The following TRPM3 variants were observed in gnomAD, a reference collection of about 807,000 sequenced individuals.
The protein encoded by TRPM3 is transient receptor potential cation channel subfamily M member 3, also known as long transient receptor potential channel 3.
TRPM3 carries 77 observed loss-of-function variants against 181.2 expected under a neutral mutation model. That is an observed-to-expected ratio of 0.42 (90% CI 0.35 to 0.51). TRPM3 has a LOEUF of 0.51. TRPM3 is among the 20% of genes least tolerant of loss of function. The pLI is 0.01. For missense variants in TRPM3, 1,759 were observed against 2,196.7 expected (o/e 0.80, Z 3.98); for synonymous variants, 745 against 796.4 (o/e 0.94, Z 1.09).
At chr9:70,888,885 C>T (rs1242631286) in intron 1 of TRPM3, among the ~76,000 whole-genome samples, 1 of 152,156 alleles carries the variant, frequency 6.6e-6, no homozygotes, top group Non-Finnish European at 1.5e-5. Context: ...CTCGATTTCT[C>T]TCAAGTATTC....
intron 25 of TRPM3, among the ~76,000 whole-genome samples, chr9:70,540,749 G>T (rs1225815560): frequency 6.6e-6 from 1 of 152,026 alleles, no homozygotes; most frequent in Non-Finnish European, 1.5e-5. Flanking sequence ...CTGAGACAGG[G>T]TCTCACTCTG....
In TRPM3 at chr9:70,917,043, C is replaced by T. The variant is rs147463482; in HGVS notation, c.178-52532G>A. 630 of 1,585,994 alleles carry T rather than the reference C, an allele frequency of 4.0e-4. 6 individuals carry two copies. The East Asian group carries it at 0.011, about 27-fold the overall frequency. Reference sequence around the variant, plus strand: ...TGAGTGGGTATAGAGACTGGTATGTCGCTAAGGCAAGAAAAATAGCACTGA... The same window carrying T: ...TGAGTGGGTATAGAGACTGGTATGTTGCTAAGGCAAGAAAAATAGCACTGA... On this transcript the variant is annotated intron_variant, in intron 1 of 25. Transcript: ENST00000677713.
rs1483884418 is a variant in TRPM3 at position 70,610,798 on chromosome 9, T to C, written c.2527-49A>G. 5.6e-6 allele frequency: 9 copies of C among 1,598,724 alleles called. No homozygotes were observed. In the Admixed American group the frequency reaches 1.0e-4, roughly 18 times the overall value. Reference sequence around the variant, plus strand: ...CATCATGACAGGGCTCTGGAGAGCATGTTGTTCAATGTGCTTACTTTACAG... The same window carrying C: ...CATCATGACAGGGCTCTGGAGAGCACGTTGTTCAATGTGCTTACTTTACAG... On this transcript the variant is annotated intron_variant, in intron 18 of 25. Coordinates refer to ENST00000677713, the MANE Select transcript of TRPM3 (RefSeq NM_001366145.2).
chr9:70,535,937 C>G lies in TRPM3; in HGVS notation c.*16G>C. On this transcript the variant is annotated 3_prime_UTR_variant, in exon 26 of 26. Coordinates refer to ENST00000677713, the MANE Select transcript of TRPM3 (RefSeq NM_001366145.2). ...GGCTGGATTCTTGAGCCTTCTGTGGCGGATATTAAGAAGGTTTAGTTGTGC... is the reference window on the plus strand; with the variant it reads ...GGCTGGATTCTTGAGCCTTCTGTGGGGGATATTAAGAAGGTTTAGTTGTGC... 1 of 1,555,154 alleles carries G rather than the reference C, an allele frequency of 6.4e-7. No individual in the cohort carries two copies. Among genetic ancestry groups the G allele is most frequent in the Non-Finnish European group, 8.7e-7 (1 of 1,153,504 alleles).
chr9:70,698,765 T>C (rs1211119473), intron 8 of TRPM3, among the ~76,000 whole-genome samples: 1 of 152,114 alleles, frequency 6.6e-6, no homozygotes, highest in African/African-American at 2.4e-5. Flanking sequence ...GAGTGAGTTC[T>C]CATGAGATCT....
chr9:70,630,355 G>T (rs2065582999), intron 12 of TRPM3, among the ~76,000 whole-genome samples: 1 of 152,222 alleles, frequency 6.6e-6, no homozygotes, highest in South Asian at 2.1e-4. Context: ...ACTGGCCAAA[G>T]ACCCTGTTCA....
In TRPM3 at chr9:70,550,275, A is replaced by G. The variant is rs186555726; in HGVS notation, c.3575-601T>C. Among the ~76,000 whole-genome samples the G allele has an allele frequency of 2.4e-3, 359 of 152,284 alleles. 1 individual carries two copies. Among genetic ancestry groups the G allele is most frequent in the Admixed American group, 4.1e-3 (63 of 15,292 alleles). On this transcript the variant is annotated intron_variant, in intron 24 of 25. Transcript: ENST00000677713. ...TATAGACATGTGGTTGCTTCTTTCT[A>G]CAGTTTTTCACCTTCTCCTCTTTTT...
At chr9:70,577,023 A>C (rs1311195996) in intron 22 of TRPM3, among the ~76,000 whole-genome samples, 2 of 152,038 alleles carry the variant, frequency 1.3e-5, no homozygotes, top group Non-Finnish European at 2.9e-5. Flanking sequence ...TTCTCTATAA[A>C]ATTGTGTGCC....
At chr9:70,890,601 TA>T (rs1017919584) in intron 1 of TRPM3, among the ~76,000 whole-genome samples, 2 of 151,820 alleles carry the variant, frequency 1.3e-5, no homozygotes, top group Non-Finnish European at 2.9e-5. Flanking sequence ...ATTTCGTAAA[TA>T]AGATCAAGAT....
At chr9:71,232,525 G>A (rs1418966892) in intron 1 of TRPM3, among the ~76,000 whole-genome samples, 2 of 108,224 alleles carry the variant, frequency 1.8e-5, no homozygotes, top group South Asian at 5.2e-4. Context: ...TTTTGAGACA[G>A]GGTCTTGCTC....
At chr9:70,799,655 T>C (rs2088316683) in intron 6 of TRPM3, among the ~76,000 whole-genome samples, 1 of 152,190 alleles carries the variant, frequency 6.6e-6, no homozygotes, top group African/African-American at 2.4e-5. Context: ...GACTATTGTG[T>C]TTCTTGATTG....
At chr9:70,591,008 A>T (rs1056948686) in intron 22 of TRPM3, 23 bp downstream of exon 22, 1 of 1,614,126 alleles carries the variant, frequency 6.2e-7, no homozygotes, top group Admixed American at 1.7e-5. Flanking sequence ...ACTTTGGTGT[A>T]TGAGAATCAT....
In TRPM3 at chr9:71,282,099, A is replaced by C. The variant is rs377291604; in HGVS notation, c.183+164554T>G. On this transcript the variant is annotated intron_variant, in intron 1 of 24. Transcript: ENST00000357533. ...AAGAAAGGAAAGAAAGAGAGAAAGA[A>C]AGAAAAGAAAGAAAGAAAAAGAAAG... Among the ~76,000 whole-genome samples, 466 of 109,212 alleles carry C rather than the reference A, an allele frequency of 4.3e-3. 45 individuals carry two copies. The highest frequency in any genetic ancestry group is 0.015 in the Middle Eastern group (3 of 202). 71.6% of individuals were successfully genotyped at this position (109,212 alleles called of 152,430 possible).
intron 1 of TRPM3, among the ~76,000 whole-genome samples, chr9:71,295,464 G>T (rs1224459082): frequency 2.7e-5 from 4 of 150,008 alleles, no homozygotes; most frequent in Non-Finnish European, 5.9e-5. Context: ...AATCTATTTT[G>T]GCTTCCTTTT....
chr9:70,903,244 C>T (rs750954779), intron 1 of TRPM3, among the ~76,000 whole-genome samples: 12 of 152,182 alleles, frequency 7.9e-5, no homozygotes, highest in East Asian at 5.8e-4. Flanking sequence ...GAAGCCTGGA[C>T]GAAGTTGGCC....
chr9:71,271,705 G>A (rs189551546), intron 1 of TRPM3, among the ~76,000 whole-genome samples: 3 of 152,004 alleles, frequency 2.0e-5, no homozygotes, highest in Admixed American at 1.3e-4. Flanking sequence ...CTGGACTGGC[G>A]AACGTACCTC....
intron 21 of TRPM3, among the ~76,000 whole-genome samples, chr9:70,595,451 G>T (rs527387002): frequency 6.6e-6 from 1 of 152,178 alleles, no homozygotes; most frequent in South Asian, 2.1e-4. Flanking sequence ...GCATCCACTG[G>T]GTAGACACTG....
At chr9:70,792,242 G>A (rs1211535511) in intron 6 of TRPM3, among the ~76,000 whole-genome samples, 1 of 152,112 alleles carries the variant, frequency 6.6e-6, no homozygotes, top group Non-Finnish European at 1.5e-5. Flanking sequence ...TGAGCCCAAG[G>A]CCAGTAACTG....
intron 9 of TRPM3, among the ~76,000 whole-genome samples, chr9:70,662,188 A>G (rs1028102249): frequency 6.6e-6 from 1 of 152,208 alleles, no homozygotes; most frequent in Admixed American, 6.5e-5. Context: ...CACCCTATTC[A>G]ATAAATGGTG....
Sources: allele counts gnomAD v4.1 joint callset (sites outside exome capture counted in the v4.1 genomes callset), GRCh38; gene constraint gnomAD v4.1.1; transcripts MANE v1.5; gene names NCBI Gene and HGNC (gene_info 2026-07-23, HGNC 2026-07-21).